GPT2: variants seen among roughly 807,000 people sequenced by gnomAD.
The protein encoded by GPT2 is glutamic--pyruvic transaminase 2, also known as alanine aminotransferase 2.
Under a neutral mutation model 56.9 loss-of-function variants are expected in GPT2, and 30 were observed. The ratio of observed to expected loss-of-function variants is 0.53; its 90% CI spans 0.39 to 0.72. The LOEUF is 0.72. GPT2 is among the 30% of genes least tolerant of loss of function. The pLI, the probability that GPT2 is intolerant of heterozygous loss-of-function variation, is 0.00. For synonymous variants in GPT2, 271 were observed against 283.1 expected, an observed-to-expected ratio of 0.96 and a Z score of 0.43; for missense variants, 542 against 703.4, an observed-to-expected ratio of 0.77 and a Z score of 2.60.
At chr16:46,918,979 A>G (rs1190483025) in intron 8 of GPT2, among the ~76,000 whole-genome samples, 1 of 152,208 alleles carries the variant, frequency 6.6e-6, no homozygotes, top group African/African-American at 2.4e-5. Context: ...CAACGGACAA[A>G]TGGAGTGGAA....
chr16:46,897,125 G>A (rs923473898), intron 2 of GPT2, among the ~76,000 whole-genome samples: 5 of 152,228 alleles, frequency 3.3e-5, no homozygotes, highest in African/African-American at 1.2e-4. Context: ...GCTCACGCCT[G>A]TAATCCTAGC....
intron 3 of GPT2, among the ~76,000 whole-genome samples, chr16:46,898,991 TA>T (rs1555484806): frequency 1.3e-5 from 1 of 76,966 alleles, no homozygotes; most frequent in African/African-American, 4.3e-5. Flanking sequence ...TATATATATA[TA>T]ACACACATAT....
Position 46,927,024 on chromosome 16 carries a change from A to G in GPT2, c.1468A>G (p.Thr490Ala). The G allele has an allele frequency of 6.3e-7, 1 of 1,598,830 alleles. No homozygotes were observed. Among genetic ancestry groups the G allele is most frequent in the Non-Finnish European group, 8.5e-7 (1 of 1,173,518 alleles). Residue 490 changes from threonine to alanine, a missense_variant, in exon 11 of 12, where the codon ACT becomes GCT. By Grantham distance (58) the Thr-to-Ala change is moderately conservative (BLOSUM62 0). Coordinates refer to ENST00000340124, the MANE Select transcript of GPT2 (RefSeq NM_133443.4). Reference sequence around the variant, plus strand: ...CAGTGGCTTTGGGCAGAGGGAAGGCACTTACCACTTCAGGTATGACTTCCT... The same window carrying G: ...CAGTGGCTTTGGGCAGAGGGAAGGCGCTTACCACTTCAGGTATGACTTCCT... ...PGSGFGQREG[T>A]YHFRMTILPP...
intron 2 of GPT2, among the ~76,000 whole-genome samples, chr16:46,894,446 C>T (rs1960645136): frequency 6.6e-6 from 1 of 152,220 alleles, no homozygotes; most frequent in East Asian, 1.9e-4. Flanking sequence ...ATGCCAGGAG[C>T]CCAGGCCAGT....
intron 4 of GPT2, among the ~76,000 whole-genome samples, chr16:46,904,785 A>G (rs1317208136): frequency 6.6e-6 from 1 of 152,198 alleles, no homozygotes; most frequent in African/African-American, 2.4e-5. Flanking sequence ...TCTCTCTTAC[A>G]GAAGCTCAGA....
intron 2 of GPT2, 138 bp downstream of exon 2, chr16:46,885,096 G>A: frequency 1.5e-6 from 2 of 1,355,256 alleles, no homozygotes; most frequent in Non-Finnish European, 1.9e-6. Flanking sequence ...TAAAACGAGA[G>A]AATGCCCCCT....
rs760684810 is a variant in GPT2, at chr16:46,927,001, GT to G, written c.1446del (p.Ser482ArgfsTer14). The part of the protein sequence containing the change: ...EETGICVVPG[S>X]GFGQREGTYH... ...ACTGGCATCTGTGTCGTGCCCGGCA[GT>G]GGCTTTGGGCAGAGGGAAGGCACTT... On this transcript the variant is annotated frameshift_variant, in exon 11 of 12. Transcript: ENST00000340124. LOFTEE classifies it high-confidence loss of function. 6.2e-7 allele frequency: 1 copy of G among 1,609,716 alleles called. No homozygotes were observed. Among genetic ancestry groups the G allele is most frequent in the Non-Finnish European group, 8.5e-7 (1 of 1,178,164 alleles).
intron 3 of GPT2, among the ~76,000 whole-genome samples, chr16:46,899,010 T>C (rs1567335194): frequency 1.9e-3 from 4 of 2,082 alleles, no homozygotes; most frequent in Non-Finnish European, 6.9e-3. Flanking sequence ...TATATATATA[T>C]ATATATATAT....
rs918264978 is a variant in GPT2 at position 46,922,332 on chromosome 16, C to T, written c.1128C>T (p.Cys376=). 5 of 1,613,944 alleles carry T rather than the reference C, an allele frequency of 3.1e-6. No homozygotes were observed. The highest frequency in any genetic ancestry group is 4.2e-6 in the Non-Finnish European group (5 of 1,179,962). ...TGAAGCTGCTGTCGGTGCGCCTGTG[C>T]CCCCCAGTGTCTGGGCAGGCCGCCA... ...QLVKLLSVRL[C]PPVSGQAAMD... The change falls in exon 9 of 12, where the codon TGC becomes TGT. Residue 376 remains cysteine (C), a synonymous_variant. Coordinates refer to ENST00000340124, the MANE Select transcript of GPT2 (RefSeq NM_133443.4).
intron 2 of GPT2, among the ~76,000 whole-genome samples, chr16:46,893,054 G>C (rs1029759098): frequency 1.3e-5 from 2 of 152,144 alleles, no homozygotes; most frequent in Non-Finnish European, 2.9e-5. Flanking sequence ...CTATTGTTTA[G>C]GGAACAATGA....
At chr16:46,922,483 G>A in intron 9 of GPT2, 67 bp downstream of exon 9, 2 of 1,461,458 alleles carry the variant, frequency 1.4e-6, no homozygotes, top group Admixed American at 2.2e-5. Context: ...TGGGCCAGTG[G>A]CCAGCCTGTC....
intron 1 of GPT2, 112 bp downstream of exon 1, chr16:46,884,579 C>T: frequency 8.8e-7 from 1 of 1,137,586 alleles, no homozygotes; most frequent in Non-Finnish European, 1.1e-6. Context: ...GGCACCAGCG[C>T]CGAAGCCAGG....
chr16:46,927,243 T>C (rs780879319), intron 11 of GPT2, among the ~76,000 whole-genome samples: 9 of 152,154 alleles, frequency 5.9e-5, no homozygotes, highest in Non-Finnish European at 8.8e-5. Context: ...CTGCTCAGGG[T>C]TATATTCCCT....
At chr16:46,910,434 G>A (rs1029893509) in intron 6 of GPT2, among the ~76,000 whole-genome samples, 1 of 147,500 alleles carries the variant, frequency 6.8e-6, no homozygotes, top group Non-Finnish European at 1.5e-5. Context: ...TGGTACATGC[G>A]GTCCCAGCTA....
chr16:46,927,171 C>G (rs1961435131), intron 11 of GPT2, 134 bp downstream of exon 11: 6 of 505,998 alleles, frequency 1.2e-5, no homozygotes, highest in Admixed American at 3.8e-5. Context: ...CACCCCTACT[C>G]TGTCCTGCTG....
In GPT2 at chr16:46,884,694, G is replaced by A. The variant is rs1960446383; in HGVS notation, c.-22G>A. On this transcript the variant is annotated splice_region_variant and 5_prime_UTR_variant, in exon 2 of 12. Transcript: ENST00000340124. ...TGTTCTTTTTCTCTTTTTGTGCCAG[G>A]GTTTCTCTCCGCAAGCGCGCGATGC... 2.2e-6 allele frequency: 3 copies of A among 1,372,010 alleles called. No individual in the cohort carries two copies. Among genetic ancestry groups the A allele is most frequent in the Non-Finnish European group, 1.9e-6 (2 of 1,060,708 alleles). The allele number at this position is 1,372,010 out of a possible 1,614,324, so 85.0% of individuals were successfully genotyped here. A position where few individuals can be genotyped will look rare whatever the true frequency, so the allele number is the denominator to read the frequency against.
intron 9 of GPT2, 48 bp downstream of exon 9, chr16:46,922,464 A>C: frequency 6.5e-7 from 1 of 1,532,362 alleles, no homozygotes; most frequent in South Asian, 1.2e-5. Flanking sequence ...GGGTCACGAG[A>C]GTTCCTGCTG....
At chr16:46,911,417 T>C (rs1961044626) in intron 6 of GPT2, among the ~76,000 whole-genome samples, 1 of 152,168 alleles carries the variant, frequency 6.6e-6, no homozygotes, top group South Asian at 2.1e-4. Context: ...AAAACACCCC[T>C]TGAATTCCCG....
At position 46,924,435 on chromosome 16, in the gene GPT2, C is replaced by A; in HGVS notation, c.1259C>A (p.Thr420Lys). The A allele has an allele frequency of 6.2e-7, 1 of 1,614,190 alleles. No individual in the cohort carries two copies. Among genetic ancestry groups the A allele is most frequent in the Non-Finnish European group, 8.5e-7 (1 of 1,180,028 alleles). ...LGNLAKKAKL[T>K]EDLFNQVPGI... Reference sequence around the variant, plus strand: ...AATCTGGCCAAAAAAGCAAAGCTGACGGAAGACCTGTTTAACCAAGTCCCA... The same window carrying A: ...AATCTGGCCAAAAAAGCAAAGCTGAAGGAAGACCTGTTTAACCAAGTCCCA... The change falls in exon 10 of 12, where the codon ACG becomes AAG. Residue 420 changes from threonine to lysine, a missense_variant. Transcript: ENST00000340124.
Sources: allele counts gnomAD v4.1 joint callset (sites outside exome capture counted in the v4.1 genomes callset), GRCh38; gene constraint gnomAD v4.1.1; transcripts MANE v1.5; gene names NCBI Gene and HGNC (gene_info 2026-07-23, HGNC 2026-07-21).